The following SPINK6 variants were observed in gnomAD, a reference collection of about 807,000 sequenced individuals.
SPINK6 encodes the protein serine protease inhibitor Kazal-type 6.
A neutral mutation model predicts 11.7 loss-of-function variants in SPINK6; 13 were observed. The observed-to-expected ratio is 1.11, with a 90% CI of 0.72 to 1.76. SPINK6 has a LOEUF of 1.76. Ranked by LOEUF, SPINK6 falls within the 40% of genes most tolerant of loss-of-function variation. The pLI is 0.00. For missense variants in SPINK6, 98 were observed against 93.7 expected (o/e 1.05, Z -0.19); for synonymous variants, 21 against 31.9 (o/e 0.66, Z 1.15).
At chr5:148,203,739 A>G (rs1171152883) in intron 1 of SPINK6, among the ~76,000 whole-genome samples, 4 of 152,214 alleles carry the variant, frequency 2.6e-5, no homozygotes, top group South Asian at 2.1e-4. Context: ...ATGCAGAAAC[A>G]TATGTTTCTG....
chr5:148,212,604 TAA>T (rs1466925378), intron 2 of SPINK6, among the ~76,000 whole-genome samples: 2 of 103,928 alleles, frequency 1.9e-5, no homozygotes, highest in African/African-American at 4.1e-5. Flanking sequence ...ATATAATATA[TAA>T]TATATATTTA....
intron 2 of SPINK6, among the ~76,000 whole-genome samples, chr5:148,212,718 T>C (rs1165997253): frequency 6.1e-4 from 75 of 123,648 alleles, no homozygotes; most frequent in Non-Finnish European, 9.6e-4. Flanking sequence ...ATATAGTTTA[T>C]ATATTTTATA....
chr5:148,210,008 A>ATACACACGTACGTATGTT (rs1755558618), intron 2 of SPINK6, among the ~76,000 whole-genome samples: 1 of 133,366 alleles, frequency 7.5e-6, no homozygotes, highest in African/African-American at 2.6e-5. Context: ...GTATGTATAC[A>ATACACACGTACGTATGTT]TGTATGTACG....
At chr5:148,203,716 A>G (rs1160852358) in intron 1 of SPINK6, among the ~76,000 whole-genome samples, 6 of 152,180 alleles carry the variant, frequency 3.9e-5, no homozygotes, top group African/African-American at 1.4e-4. Context: ...AAAATATGTA[A>G]TTGAAACTTA....
At position 148,210,404 on chromosome 5, in the gene SPINK6, A is replaced by G. The variant is rs201100969; in HGVS notation, c.82-3506A>G. 2.5e-3 allele frequency among the ~76,000 whole-genome samples: 373 copies of G among 147,916 alleles called. 73 individuals carry two copies. In the East Asian group the frequency reaches 0.078, roughly 31 times the overall value. On this transcript the variant is annotated intron_variant, in intron 2 of 3. Transcript: ENST00000325630. ...TACATATATATGTATGTGTTTCTGCATACATATATATGTATGTGTTTCTGC... is the reference window on the plus strand; with the variant it reads ...TACATATATATGTATGTGTTTCTGCGTACATATATATGTATGTGTTTCTGC...
At chr5:148,214,300 CA>C (rs1280298165) in intron 3 of SPINK6, among the ~76,000 whole-genome samples, 4 of 152,088 alleles carry the variant, frequency 2.6e-5, no homozygotes, top group African/African-American at 9.7e-5. Flanking sequence ...ACATCTTATA[CA>C]TTATAACTTA....
rs1398978551 is a variant in SPINK6 at position 148,209,991 on chromosome 5, T to TACACCCGTACGTATGTATGTATAC, written c.82-3918_82-3917insCACCCGTACGTATGTATGTATACA. Among the ~76,000 whole-genome samples, 2 of 145,402 alleles carry TACACCCGTACGTATGTATGTATAC rather than the reference T, an allele frequency of 1.4e-5. 1 individual carries two copies. The highest frequency in any genetic ancestry group is 3.0e-5 in the Non-Finnish European group (2 of 65,968). ...ACATACGTACGTATGTATGTATACA[T>TACACCCGTACGTATGTATGTATAC]ATACACGTATGTATACATGTATGTA... is the stretch of plus-strand genomic sequence containing the variant. On this transcript the variant is annotated intron_variant, in intron 2 of 3. Transcript: ENST00000325630.
chr5:148,205,306 C>T (rs1270879178), intron 1 of SPINK6, among the ~76,000 whole-genome samples: 1 of 152,116 alleles, frequency 6.6e-6, no homozygotes, highest in Non-Finnish European at 1.5e-5. Flanking sequence ...AACTCAGCAG[C>T]CCATTCCAAG....
Position 148,214,974 on chromosome 5 carries a change from A to T in SPINK6, c.*24A>T. 6.2e-7 allele frequency: 1 copy of T among 1,612,792 alleles called. No homozygotes were observed. The highest frequency in any genetic ancestry group is 8.5e-7 in the Non-Finnish European group (1 of 1,179,074). On this transcript the variant is annotated 3_prime_UTR_variant, in exon 4 of 4. Coordinates refer to ENST00000325630, the MANE Select transcript of SPINK6 (RefSeq NM_205841.4). ...GAGTTAAAGCCAATGTTTCTTGGTG[A>T]CTTGCCAGCTTTTGCAGCCTTCTTT...
chr5:148,209,975 CGTAT>C lies in SPINK6; in HGVS notation c.81+3926_82-3923del, dbSNP rs773298354. On this transcript the variant is annotated intron_variant, in intron 2 of 3. Transcript: ENST00000325630. The stretch of plus-strand genomic sequence containing the variant: ...ATATATATGTATACATACATACGTA[CGTAT>C]GTATGTATACATATACACGTATGTA... Among the ~76,000 whole-genome samples, 1,329 of 146,916 alleles carry C rather than the reference CGTAT, an allele frequency of 9.0e-3. 36 individuals are homozygous for C. Among genetic ancestry groups the C allele is most frequent in the African/African-American group, 0.033 (1,262 of 38,182 alleles).
Position 148,203,170 on chromosome 5 carries a change from A to T in SPINK6, c.58+16A>T. On this transcript the variant is annotated intron_variant, in intron 1 of 3. Transcript: ENST00000325630. ...TTTTTAACAGGTAAGTTTTTTCTTA[A>T]AATTAAGATCCCATATTTATACTGA... 6.3e-7 allele frequency: 1 copy of T among 1,597,396 alleles called. No homozygotes were observed. The highest frequency in any genetic ancestry group is 8.6e-7 in the Non-Finnish European group (1 of 1,169,024).
chr5:148,203,475 A>G (rs1039880820), intron 1 of SPINK6, among the ~76,000 whole-genome samples: 2 of 152,194 alleles, frequency 1.3e-5, no homozygotes, highest in African/African-American at 4.8e-5. Context: ...AAAATCAGCA[A>G]AAGACTTGCA....
In SPINK6 at chr5:148,209,292, GC is replaced by G. The variant is rs138899012; in HGVS notation, c.81+3235del. ...TACATCTACCAACAGCAGTAAAGCTGCAAAGTCAACACTTCAAGACTCCTGA... is the reference window on the plus strand; with the variant it reads ...TACATCTACCAACAGCAGTAAAGCTGAAAGTCAACACTTCAAGACTCCTGA... On this transcript the variant is annotated intron_variant, in intron 2 of 3. Coordinates refer to ENST00000325630, the MANE Select transcript of SPINK6 (RefSeq NM_205841.4). Among the ~76,000 whole-genome samples, 1,462 of 152,274 alleles carry G rather than the reference GC, an allele frequency of 9.6e-3. 101 individuals carry two copies. The East Asian group carries it at 0.2, about 21-fold the overall frequency.
intron 3 of SPINK6, among the ~76,000 whole-genome samples, 159 bp downstream of exon 3, chr5:148,214,184 G>T (rs932458551): frequency 6.6e-6 from 1 of 152,074 alleles, no homozygotes; most frequent in African/African-American, 2.4e-5. Context: ...TGGGTCAAAA[G>T]CAACAAAAAC....
chr5:148,209,693 T>C (rs1200066642), intron 2 of SPINK6, among the ~76,000 whole-genome samples: 1 of 151,942 alleles, frequency 6.6e-6, no homozygotes, highest in African/African-American at 2.4e-5. Flanking sequence ...ACAAGAAATG[T>C]TGAGAACTGG....
intron 1 of SPINK6, among the ~76,000 whole-genome samples, chr5:148,205,518 C>T (rs1018445609): frequency 6.6e-6 from 1 of 152,104 alleles, no homozygotes; most frequent in Admixed American, 6.6e-5. Context: ...TTGTTCCTTA[C>T]CAGTTTATAT....
At chr5:148,205,400 T>A (rs932079924) in intron 1 of SPINK6, among the ~76,000 whole-genome samples, 2 of 152,148 alleles carry the variant, frequency 1.3e-5, no homozygotes, top group African/African-American at 4.8e-5. Context: ...CATACAATAT[T>A]AAGAGAAAGG....
rs116806111 is a variant in SPINK6 at position 148,203,061 on chromosome 5, C to T, written c.-36C>T. On this transcript the variant is annotated 5_prime_UTR_variant, in exon 1 of 4. Coordinates refer to ENST00000325630, the MANE Select transcript of SPINK6 (RefSeq NM_205841.4). ...GTCTTGACAGAGAACCTCAGCTGGACAAAGCAGCCTTGATCTGAGTGAGCT... is the reference window on the plus strand; with the variant it reads ...GTCTTGACAGAGAACCTCAGCTGGATAAAGCAGCCTTGATCTGAGTGAGCT... 3,822 of 1,578,480 alleles carry T rather than the reference C, an allele frequency of 2.4e-3. 92 individuals are homozygous for T. In the African/African-American group the frequency reaches 0.045, roughly 18 times the overall value.
chr5:148,202,890 T>C (rs538661995), upstream of SPINK6: 1 of 438,324 alleles, frequency 2.3e-6, no homozygotes, highest in East Asian at 3.4e-5. Context: ...TAATAAGATC[T>C]GAGGTGCGAC....
Sources: allele counts gnomAD v4.1 joint callset (sites outside exome capture counted in the v4.1 genomes callset), GRCh38; gene constraint gnomAD v4.1.1; transcripts MANE v1.5; gene names NCBI Gene and HGNC (gene_info 2026-07-23, HGNC 2026-07-21).